FAM13A: variants seen among roughly 807,000 people sequenced by gnomAD.
The protein encoded by FAM13A is protein FAM13A.
A neutral mutation model predicts 129.6 loss-of-function variants in FAM13A; 76 were observed. The observed-to-expected ratio is 0.59, with a 90% CI of 0.49 to 0.71. The LOEUF (loss-of-function observed/expected upper bound fraction) is 0.71, where lower values mean the gene tolerates loss of function less well. Among genes scored for constraint, FAM13A ranks in the 30% least tolerant of loss-of-function variants. The pLI, the probability that FAM13A is intolerant of heterozygous loss-of-function variation, is 0.00. For synonymous variants in FAM13A, 443 were observed against 449.9 expected (o/e 0.98, Z 0.20); for missense variants, 1,108 against 1,249.3 (o/e 0.89, Z 1.70).
intron 4 of FAM13A, among the ~76,000 whole-genome samples, chr4:88,958,846 G>C (rs1280319258): frequency 6.6e-6 from 1 of 152,288 alleles, no homozygotes; most frequent in East Asian, 1.9e-4. Context: ...TCAACATCCT[G>C]TAAGTTTAGC....
intron 7 of FAM13A, among the ~76,000 whole-genome samples, chr4:88,817,880 A>G (rs138480013): frequency 6.6e-6 from 1 of 152,362 alleles, no homozygotes; most frequent in African/African-American, 2.4e-5. Context: ...ACTGTATTGC[A>G]AGCATAAGAA....
chr4:88,798,332 C>A (rs527787331), intron 8 of FAM13A, among the ~76,000 whole-genome samples: 32 of 152,280 alleles, frequency 2.1e-4, no homozygotes, highest in African/African-American at 6.7e-4. Context: ...GGTGACTGAG[C>A]ATCCCAGGAG....
intron 3 of FAM13A, among the ~76,000 whole-genome samples, chr4:89,016,717 C>T (rs1766543870): frequency 1.3e-5 from 2 of 152,194 alleles, no homozygotes. Context: ...TCACTGCAGC[C>T]TTGACTTTCT....
chr4:88,756,209 G>A (rs1378754563), intron 14 of FAM13A, among the ~76,000 whole-genome samples: 1 of 152,172 alleles, frequency 6.6e-6, no homozygotes. Flanking sequence ...AAACAGCTAT[G>A]TATATTTAAA....
At chr4:88,867,338 T>C (rs973354841) in intron 6 of FAM13A, among the ~76,000 whole-genome samples, 3 of 152,132 alleles carry the variant, frequency 2.0e-5, no homozygotes, top group Non-Finnish European at 4.4e-5. Context: ...TAGACAGCCC[T>C]TCAGCATACA....
chr4:88,938,880 A>G (rs1322414259), intron 4 of FAM13A, among the ~76,000 whole-genome samples: 1 of 152,252 alleles, frequency 6.6e-6, no homozygotes, highest in Non-Finnish European at 1.5e-5. Context: ...GACAAAGATT[A>G]GTAGTTACAC....
At chr4:88,858,409 C>T (rs1738910350) in intron 6 of FAM13A, among the ~76,000 whole-genome samples, 1 of 152,190 alleles carries the variant, frequency 6.6e-6, no homozygotes, top group Non-Finnish European at 1.5e-5. Context: ...CATTCTGTTA[C>T]ATAAAATTTT....
intron 3 of FAM13A, among the ~76,000 whole-genome samples, chr4:88,998,228 C>T (rs1265394553): frequency 6.6e-6 from 1 of 152,174 alleles, no homozygotes; most frequent in East Asian, 1.9e-4. Flanking sequence ...ATTTGCAATG[C>T]ATTAAGTCAC....
intron 4 of FAM13A, among the ~76,000 whole-genome samples, chr4:88,988,008 T>C (rs1762480017): frequency 6.6e-6 from 1 of 151,950 alleles, no homozygotes; most frequent in African/African-American, 2.4e-5. Context: ...AAAAACTCAA[T>C]GTGGATGCAT....
In FAM13A at chr4:88,787,761, C is replaced by G; in HGVS notation, c.1263G>C (p.Gly421=). 6.2e-7 allele frequency: 1 copy of G among 1,612,946 alleles called. No individual in the cohort carries two copies. Among genetic ancestry groups the G allele is most frequent in the Non-Finnish European group, 8.5e-7 (1 of 1,179,446 alleles). The change falls in exon 10 of 24, where the codon GGG becomes GGC. Residue 421 remains glycine (G), a synonymous_variant. Coordinates refer to ENST00000264344, the MANE Select transcript of FAM13A (RefSeq NM_014883.4). ...AATCAATGCCAACTCACTTGTCTCT[C>G]CCATGTCGAACTTCATCCTGCTCCT... ...QSKEQDEVRH[G]RDKGLINKEN... is the part of the protein sequence containing the mutation.
At chr4:89,016,475 G>C (rs1362527892) in intron 3 of FAM13A, among the ~76,000 whole-genome samples, 1 of 152,124 alleles carries the variant, frequency 6.6e-6, no homozygotes, top group East Asian at 1.9e-4. Context: ...CAGTGGTGCA[G>C]TAATCTCCTA....
intron 7 of FAM13A, among the ~76,000 whole-genome samples, chr4:88,826,328 AAAAC>A (rs1359379668): frequency 2.6e-5 from 4 of 151,672 alleles, no homozygotes; most frequent in African/African-American, 9.7e-5. Context: ...AAAAAAAAAA[AAAAC>A]CATTCCTGAC....
chr4:88,818,983 T>C (rs1578805171), intron 7 of FAM13A, among the ~76,000 whole-genome samples: 1 of 152,186 alleles, frequency 6.6e-6, no homozygotes, highest in South Asian at 2.1e-4. Flanking sequence ...GAGCGATGCT[T>C]AGGAAGAACT....
intron 4 of FAM13A, among the ~76,000 whole-genome samples, chr4:88,949,118 AT>A (rs1756481490): frequency 6.6e-6 from 1 of 152,170 alleles, no homozygotes; most frequent in Non-Finnish European, 1.5e-5. Flanking sequence ...CATATTAGTT[AT>A]CCTCACCTTT....
chr4:88,975,552 T>C (rs905190008), intron 4 of FAM13A, among the ~76,000 whole-genome samples: 2 of 152,218 alleles, frequency 1.3e-5, no homozygotes, highest in African/African-American at 4.8e-5. Context: ...AGTACTAATT[T>C]TCATTTTGAA....
intron 10 of FAM13A, among the ~76,000 whole-genome samples, chr4:88,784,008 C>T (rs1338679092): frequency 4.6e-5 from 7 of 151,996 alleles, no homozygotes; most frequent in Non-Finnish European, 4.4e-5. Context: ...AGACTAAAGA[C>T]GACAGCTAAA....
At chr4:88,800,450 C>T (rs1031794147) in intron 8 of FAM13A, among the ~76,000 whole-genome samples, 9 of 151,960 alleles carry the variant, frequency 5.9e-5, no homozygotes, top group African/African-American at 1.9e-4. Context: ...TTTGGGAGGC[C>T]GAGGTGGGCA....
rs1357184470 is a variant in FAM13A, at chr4:88,732,174, C to T, written c.2671G>A (p.Asp891Asn). Residue 891 changes from aspartate to asparagine, a missense_variant, in exon 22 of 24, where the codon GAT becomes AAT. Asp to Asn is a conservative substitution (Grantham distance 23, BLOSUM62 1). Around this residue, in one of 3 missense-constraint regions of FAM13A, gnomAD observed 529 missense variants for 621.2 expected, o/e 0.85. Coordinates refer to ENST00000264344, the MANE Select transcript of FAM13A (RefSeq NM_014883.4). ...IKEEEEGSED[D>N]SNVKPDFMVT... is the part of the protein sequence containing the mutation. ...ATGAAGTCTGGCTTCACATTGCTAT[C>T]GTCTTCTGACCCCTCCTCTTCTTCC... 8.7e-6 allele frequency: 14 copies of T among 1,611,716 alleles called. No homozygotes were observed. The highest frequency in any genetic ancestry group is 2.2e-5 in the South Asian group (2 of 90,692).
intron 14 of FAM13A, 136 bp downstream of exon 14, chr4:88,758,618 G>A (rs1744181457): frequency 3.6e-6 from 3 of 842,766 alleles, no homozygotes; most frequent in South Asian, 2.0e-5. Flanking sequence ...AAGGATTTTC[G>A]GTCATTTGGA....
Sources: gnomAD v4.1 joint callset for allele counts (sites outside exome capture counted in the v4.1 genomes callset) on GRCh38, gnomAD v4.1.1 for gene constraint, gnomAD v4.1.1 regional missense constraint, MANE v1.5 for transcripts, NCBI Gene and HGNC (gene_info 2026-07-23, HGNC 2026-07-21) for gene names.